The following SINHCAF variants were observed in gnomAD, a reference collection of about 807,000 sequenced individuals.
The protein encoded by SINHCAF is SIN3-HDAC complex-associated factor.
A neutral mutation model predicts 25.8 loss-of-function variants in SINHCAF; 3 were observed. The observed-to-expected ratio is 0.12, with a 90% confidence interval of 0.05 to 0.30. The LOEUF (loss-of-function observed/expected upper bound fraction) is 0.30, where lower values mean the gene tolerates loss of function less well. Among genes scored for constraint, SINHCAF ranks in the 10% least tolerant of loss-of-function variants. The pLI is 1.00. For missense variants in SINHCAF, 121 were observed against 262.3 expected (o/e 0.46, Z 3.72); for synonymous variants, 70 against 85.5 (o/e 0.82, Z 1.00).
chr12:31,298,401 G>A (rs1938634500), intron 1 of SINHCAF, 177 bp from the exon 2 acceptor site: 1 of 614,848 alleles, frequency 1.6e-6, no homozygotes. Flanking sequence ...ATCAAGGCAA[G>A]CGTATAAAAC....
At chr12:31,316,916 G>A (rs530754860) in intron 1 of SINHCAF, among the ~76,000 whole-genome samples, 1 of 152,076 alleles carries the variant, frequency 6.6e-6, no homozygotes, top group Non-Finnish European at 1.5e-5. Context: ...CACATTTAAG[G>A]ATATGGAGAG....
At chr12:31,304,233 A>G (rs1439474321) in intron 1 of SINHCAF, 2 of 152,076 alleles carry the variant, frequency 1.3e-5, no homozygotes, top group African/African-American at 4.8e-5. Flanking sequence ...ACCAAAATGT[A>G]TCTCTTAACT....
chr12:31,320,295 T>C (rs1939649466), intron 1 of SINHCAF, among the ~76,000 whole-genome samples: 1 of 152,200 alleles, frequency 6.6e-6, no homozygotes, highest in Non-Finnish European at 1.5e-5. Flanking sequence ...CTTTAATAAC[T>C]AGCCACCCTC....
At chr12:31,304,945 TATA>T (rs1271715893) in intron 1 of SINHCAF, 6 of 152,298 alleles carry the variant, frequency 3.9e-5, no homozygotes, top group Non-Finnish European at 8.8e-5. Flanking sequence ...CCAAAGTAAA[TATA>T]ATACTCTAAG....
chr12:31,323,889 T>C (rs1343458429), intron 1 of SINHCAF: 2 of 447,048 alleles, frequency 4.5e-6, no homozygotes, highest in Non-Finnish European at 9.1e-6. Flanking sequence ...CTCACCCGTT[T>C]CTCTGAAAGC....
In SINHCAF at chr12:31,323,261, C is replaced by G. The variant is rs1314843998; in HGVS notation, c.-21+2763G>C. Among the ~76,000 whole-genome samples the G allele has an allele frequency of 3.3e-5, 5 of 152,228 alleles. No individual in the cohort carries two copies. In the East Asian group the frequency reaches 9.7e-4, roughly 29 times the overall value. ...ATGAGGGTTTTCTCCGAAACTCCAC[C>G]AGAAACAAACTCCCAGACTTTTAGA... On this transcript the variant is annotated intron_variant, in intron 1 of 5. Coordinates refer to ENST00000337682, the MANE Select transcript of SINHCAF (RefSeq NM_001135812.2).
At position 31,310,984 on chromosome 12, in the gene SINHCAF, C is replaced by T. The variant is rs568910741; in HGVS notation, c.-20-12760G>A. Among the ~76,000 whole-genome samples the T allele has an allele frequency of 2.2e-4, 34 of 151,972 alleles. No individual in the cohort carries two copies. The South Asian group carries it at 6.9e-3, about 31-fold the overall frequency. The stretch of plus-strand genomic sequence containing the variant: ...TCTGAGGTTCAAGCAATTCTCCTGC[C>T]TCAGCCTCCTGAGGAACTAAGATTA... On this transcript the variant is annotated intron_variant, in intron 1 of 5. Transcript: ENST00000337682.
intron 1 of SINHCAF, chr12:31,303,224 GT>G (rs1018581735): frequency 1.1e-5 from 11 of 985,144 alleles, no homozygotes; most frequent in Non-Finnish European, 1.3e-5. Context: ...ATTTTTCCTT[GT>G]ATTTCCACAT....
chr12:31,294,273 C>T (rs1366977547), intron 3 of SINHCAF, among the ~76,000 whole-genome samples: 3 of 152,032 alleles, frequency 2.0e-5, no homozygotes, highest in African/African-American at 4.8e-5. Context: ...TTGCAGTTTA[C>T]GAAAAGCTTT....
chr12:31,303,207 T>C (rs1389761414), intron 1 of SINHCAF: 4 of 985,340 alleles, frequency 4.1e-6, no homozygotes, highest in African/African-American at 1.7e-5. Flanking sequence ...AGAGGCTGTG[T>C]CAACCCATTT....
At chr12:31,283,683 C>CTA (rs1555110478) in intron 5 of SINHCAF, among the ~76,000 whole-genome samples, 1 of 152,040 alleles carries the variant, frequency 6.6e-6, no homozygotes, top group East Asian at 1.9e-4. Flanking sequence ...ACCACATACT[C>CTA]TAAGGGAAAA....
At chr12:31,308,787 A>G (rs1200292948) in intron 1 of SINHCAF, among the ~76,000 whole-genome samples, 2 of 152,112 alleles carry the variant, frequency 1.3e-5, no homozygotes, top group Non-Finnish European at 1.5e-5. Flanking sequence ...GACTACCTAG[A>G]TGTATAGGGA....
chr12:31,304,844 G>A (rs1021470913), intron 1 of SINHCAF: 2 of 152,194 alleles, frequency 1.3e-5, no homozygotes, highest in East Asian at 3.8e-4. Context: ...AAAGTCAAGT[G>A]TATATACATA....
chr12:31,321,259 A>G (rs186054976), intron 1 of SINHCAF, among the ~76,000 whole-genome samples: 45 of 152,346 alleles, frequency 3.0e-4, no homozygotes, highest in African/African-American at 1.0e-3. Context: ...TGTGGACAAG[A>G]GAAATCAGGA....
chr12:31,303,231 C>T, intron 1 of SINHCAF: 1 of 985,248 alleles, frequency 1.0e-6, no homozygotes, highest in Non-Finnish European at 1.2e-6. Flanking sequence ...CTTGTATTTC[C>T]ACATTTTCCC....
intron 2 of SINHCAF, chr12:31,297,001 T>C (rs1322476410): frequency 3.4e-5 from 15 of 443,786 alleles, no homozygotes; most frequent in Middle Eastern, 3.6e-4. Flanking sequence ...CACCTGTGAA[T>C]AGCTACTGCA....
At chr12:31,302,897 T>G in intron 1 of SINHCAF, 1 of 980,838 alleles carries the variant, frequency 1.0e-6, no homozygotes, top group Non-Finnish European at 1.2e-6. Flanking sequence ...CAGTTACAAA[T>G]GCACAAAGGG....
At chr12:31,306,712 GCCA>G (rs1216558131) in intron 1 of SINHCAF, among the ~76,000 whole-genome samples, 1 of 152,158 alleles carries the variant, frequency 6.6e-6, no homozygotes, top group Non-Finnish European at 1.5e-5. Context: ...CTTTATAATT[GCCA>G]AAAGCGAGAT....
intron 4 of SINHCAF, among the ~76,000 whole-genome samples, chr12:31,292,995 T>C (rs754604655): frequency 3.3e-5 from 5 of 152,178 alleles, no homozygotes; most frequent in Non-Finnish European, 7.3e-5. Flanking sequence ...ATTCCTAACC[T>C]ATTTGGCCAC....
Sources: allele counts gnomAD v4.1 joint callset (sites outside exome capture counted in the v4.1 genomes callset), GRCh38; gene constraint gnomAD v4.1.1; transcripts MANE v1.5; gene names NCBI Gene and HGNC (gene_info 2026-07-23, HGNC 2026-07-21).